The following CNTNAP5 variants were observed in gnomAD, a reference collection of about 807,000 sequenced individuals.
The protein encoded by CNTNAP5 is contactin-associated protein-like 5.
A neutral mutation model predicts 150.2 loss-of-function variants in CNTNAP5; 72 were observed. The ratio of observed to expected loss-of-function variants is 0.48; its 90% CI spans 0.40 to 0.58. CNTNAP5 has a LOEUF of 0.58. Ranked by LOEUF, CNTNAP5 falls within the 20% of genes least tolerant of loss-of-function variation. The pLI is 0.00. For missense variants in CNTNAP5, 1,636 were observed against 1,626.2 expected (o/e 1.01, Z -0.10); for synonymous variants, 672 against 619.8 (o/e 1.08, Z -1.25).
At chr2:124,822,163 C>T (rs1682505498) in intron 19 of CNTNAP5, among the ~76,000 whole-genome samples, 1 of 152,116 alleles carries the variant, frequency 6.6e-6, no homozygotes, top group African/African-American at 2.4e-5. Context: ...GCTCTGTAGC[C>T]TCAGGACTTA....
At chr2:124,372,781 A>G (rs1022722559) in intron 3 of CNTNAP5, among the ~76,000 whole-genome samples, 4 of 152,114 alleles carry the variant, frequency 2.6e-5, no homozygotes, top group African/African-American at 7.2e-5. Context: ...TATAGACAGA[A>G]TTGTGCTAAC....
chr2:124,751,851 G>T (rs931301781), intron 14 of CNTNAP5, among the ~76,000 whole-genome samples: 2 of 152,106 alleles, frequency 1.3e-5, no homozygotes, highest in African/African-American at 4.8e-5. Context: ...ATCCTGAATT[G>T]TTCTTAATAT....
At chr2:124,823,711 T>C (rs314702) in intron 19 of CNTNAP5, among the ~76,000 whole-genome samples, 131,616 of 152,054 alleles carry the variant, frequency 0.87, 57,457 homozygotes, top group African/African-American at 0.97. Context: ...CCCTGAACAC[T>C]TCTGAACCAC....
At chr2:124,665,813 G>C (rs1678688349) in intron 13 of CNTNAP5, among the ~76,000 whole-genome samples, 1 of 151,690 alleles carries the variant, frequency 6.6e-6, no homozygotes, top group Non-Finnish European at 1.5e-5. Flanking sequence ...GGGAACCCGG[G>C]AGGAAGAGCT....
chr2:124,084,762 C>T (rs535913459), intron 1 of CNTNAP5, among the ~76,000 whole-genome samples: 41 of 151,816 alleles, frequency 2.7e-4, no homozygotes, highest in East Asian at 2.5e-3. Context: ...ATTAAATAAA[C>T]GGTGACATAT....
intron 3 of CNTNAP5, among the ~76,000 whole-genome samples, chr2:124,355,956 A>C (rs1034743852): frequency 6.6e-6 from 1 of 152,170 alleles, no homozygotes; most frequent in Non-Finnish European, 1.5e-5. Flanking sequence ...CTGCAAATGA[A>C]ATGGAAATGA....
chr2:124,040,996 C>T (rs905172374), intron 1 of CNTNAP5, among the ~76,000 whole-genome samples: 2 of 152,198 alleles, frequency 1.3e-5, no homozygotes, highest in South Asian at 2.1e-4. Flanking sequence ...TTTGTCATCC[C>T]CACAAATCTT....
At chr2:124,129,361 C>T (rs947031311) in intron 1 of CNTNAP5, among the ~76,000 whole-genome samples, 14 of 152,244 alleles carry the variant, frequency 9.2e-5, no homozygotes, top group African/African-American at 3.1e-4. Flanking sequence ...CTATGGGCTT[C>T]GAGGTTAAGC....
chr2:124,750,733 C>T (rs1033075479), intron 14 of CNTNAP5, among the ~76,000 whole-genome samples: 1 of 151,982 alleles, frequency 6.6e-6, no homozygotes, highest in African/African-American at 2.4e-5. Context: ...CACCTGTAAT[C>T]CCAGCACTTT....
chr2:124,863,035 A>C (rs553611324), intron 19 of CNTNAP5, among the ~76,000 whole-genome samples: 7 of 152,324 alleles, frequency 4.6e-5, no homozygotes, highest in African/African-American at 1.7e-4. Context: ...CCTAAGAGGA[A>C]TGGTGGCAAG....
chr2:124,872,330 T>G (rs1677765958), intron 21 of CNTNAP5, among the ~76,000 whole-genome samples: 1 of 151,784 alleles, frequency 6.6e-6, no homozygotes, highest in Non-Finnish European at 1.5e-5. Context: ...AGTCTGTTAC[T>G]AGCTGTTTTC....
chr2:124,397,153 C>CA (rs368758752), intron 3 of CNTNAP5, among the ~76,000 whole-genome samples: 167 of 152,272 alleles, frequency 1.1e-3, no homozygotes, highest in African/African-American at 3.8e-3. Context: ...GCATAGTGAG[C>CA]AAGTTTTTTT....
intron 12 of CNTNAP5, among the ~76,000 whole-genome samples, chr2:124,643,860 A>G (rs1678147209): frequency 6.6e-6 from 1 of 152,222 alleles, no homozygotes; most frequent in Non-Finnish European, 1.5e-5. Flanking sequence ...GATTGTTTCT[A>G]AAGCCAACCT....
chr2:124,097,906 T>G (rs1203031535), intron 1 of CNTNAP5, among the ~76,000 whole-genome samples: 1 of 152,162 alleles, frequency 6.6e-6, no homozygotes, highest in African/African-American at 2.4e-5. Context: ...CGTGCACCTG[T>G]AGTCCCAGCT....
chr2:124,201,781 G>T (rs1685734122), intron 1 of CNTNAP5, among the ~76,000 whole-genome samples: 1 of 152,210 alleles, frequency 6.6e-6, no homozygotes, highest in South Asian at 2.1e-4. Context: ...TTCAGAAGAT[G>T]AGGATTTTGC....
intron 1 of CNTNAP5, among the ~76,000 whole-genome samples, chr2:124,067,825 T>C (rs759396609): frequency 2.0e-5 from 3 of 152,216 alleles, no homozygotes; most frequent in Non-Finnish European, 2.9e-5. Context: ...GTATTTTCCA[T>C]AGTTAGACTA....
intron 13 of CNTNAP5, among the ~76,000 whole-genome samples, chr2:124,681,508 G>C (rs1241969726): frequency 6.6e-6 from 1 of 151,958 alleles, no homozygotes; most frequent in Non-Finnish European, 1.5e-5. Context: ...TGTTTTCCTG[G>C]GAGTTTGCAG....
At chr2:124,503,772 T>C (rs1694332684) in intron 7 of CNTNAP5, among the ~76,000 whole-genome samples, 1 of 152,174 alleles carries the variant, frequency 6.6e-6, no homozygotes, top group African/African-American at 2.4e-5. Flanking sequence ...GGGATGCTGT[T>C]TTGCTAATTT....
chr2:124,694,460 A>C (rs906678289), intron 13 of CNTNAP5, among the ~76,000 whole-genome samples: 12 of 152,168 alleles, frequency 7.9e-5, no homozygotes, highest in African/African-American at 2.9e-4. Context: ...GCTTAAACAT[A>C]GTCTGAAATG....
Sources: gnomAD v4.1 joint callset for allele counts (sites outside exome capture counted in the v4.1 genomes callset) on GRCh38, gnomAD v4.1.1 for gene constraint, MANE v1.5 for transcripts, NCBI Gene and HGNC (gene_info 2026-07-23, HGNC 2026-07-21) for gene names.